The following EDN3 variants were observed in gnomAD, a reference collection of about 807,000 sequenced individuals.
The protein encoded by EDN3 is endothelin 3.
A neutral mutation model predicts 21.4 loss-of-function variants in EDN3; 9 were observed. That is an observed-to-expected ratio of 0.42 (90% CI 0.25 to 0.73). EDN3 has a LOEUF of 0.73. Ranked by LOEUF, EDN3 falls within the 30% of genes least tolerant of loss-of-function variation. EDN3 has a pLI of 0.26. For missense variants in EDN3, 327 were observed against 309.4 expected (o/e 1.06, Z -0.43); for synonymous variants, 133 against 126.2 (o/e 1.05, Z -0.36).
rs1555850432 is a variant in EDN3 at position 59,324,608 on chromosome 20, CA to C, written c.*150del. 1.6e-5 allele frequency: 17 copies of C among 1,053,632 alleles called. No homozygotes were observed. The highest frequency in any genetic ancestry group is 1.8e-5 in the Non-Finnish European group (13 of 725,412). 65.3% of individuals were successfully genotyped at this position (1,053,632 alleles called of 1,614,324 possible). A position where few individuals can be genotyped will look rare whatever the true frequency, so the allele number is the denominator to read the frequency against. On this transcript the variant is annotated 3_prime_UTR_variant, in exon 5 of 5. Transcript: ENST00000337938. ...TCCCCACTTAACAATACCCCCCCCC[CA>C]CGGCAAGAATGCCCAAATCCGAATG...
intron 2 of EDN3, among the ~76,000 whole-genome samples, chr20:59,317,733 A>C (rs1990274326): frequency 6.6e-6 from 1 of 152,160 alleles, no homozygotes; most frequent in Admixed American, 6.5e-5. Context: ...AGAATGTTGG[A>C]GATTCTTTCA....
intron 2 of EDN3, among the ~76,000 whole-genome samples, chr20:59,302,058 G>C (rs1989086964): frequency 1.3e-5 from 2 of 152,140 alleles, no homozygotes; most frequent in South Asian, 4.1e-4. Context: ...GATAGAGAAA[G>C]CCCCGAAAGT....
Position 59,322,792 on chromosome 20 carries a change from A to G in EDN3, c.588+375A>G, listed in dbSNP as rs1037601096. Among the ~76,000 whole-genome samples the G allele has an allele frequency of 1.3e-5, 2 of 152,210 alleles. No homozygotes were observed. Among genetic ancestry groups the G allele is most frequent in the African/African-American group, 2.4e-5 (1 of 41,452 alleles). ...TGTAGGCTGCTCTGCCCAGACCCAC[A>G]CTTCGCCTCTGCTTCCTTAGCAACA... is the stretch of plus-strand genomic sequence containing the variant. On this transcript the variant is annotated intron_variant, in intron 4 of 4. Transcript: ENST00000337938. This position sits in a 1 kb window ranked among gnomAD's most constrained non-coding sequence, Gnocchi z 4.1.
At chr20:59,313,674 G>A (rs1989983239) in intron 2 of EDN3, among the ~76,000 whole-genome samples, 1 of 152,236 alleles carries the variant, frequency 6.6e-6, no homozygotes, top group Non-Finnish European at 1.5e-5. Context: ...GGGGTGGTGG[G>A]ATGAACGGTC....
Position 59,305,563 on chromosome 20 carries a change from T to C in EDN3, c.365+3841T>C, listed in dbSNP as rs11570276. ...GTTGCTCTTGGGGGCCATGGACTTTTATGGAGGATAAACAGAAGTTATGGG... is the reference window on the plus strand; with the variant it reads ...GTTGCTCTTGGGGGCCATGGACTTTCATGGAGGATAAACAGAAGTTATGGG... On this transcript the variant is annotated intron_variant, in intron 2 of 4. Transcript: ENST00000337938. The surrounding 1 kb of genome is among the most constrained non-coding windows in gnomAD (Gnocchi z 4.2). Among the ~76,000 whole-genome samples the C allele has an allele frequency of 0.042, 6,450 of 152,242 alleles. 213 individuals carry two copies. Among genetic ancestry groups the C allele is most frequent in the African/African-American group, 0.09 (3,728 of 41,518 alleles).
intron 2 of EDN3, among the ~76,000 whole-genome samples, chr20:59,307,957 A>G (rs1989543621): frequency 6.6e-6 from 1 of 151,190 alleles, no homozygotes; most frequent in Non-Finnish European, 1.5e-5. Context: ...GTAATCATAT[A>G]TTTACCCTTT....
At chr20:59,319,365 G>C (rs1159209897) in intron 2 of EDN3, among the ~76,000 whole-genome samples, 1 of 152,124 alleles carries the variant, frequency 6.6e-6, no homozygotes, top group African/African-American at 2.4e-5. Flanking sequence ...TCGCAAAAAG[G>C]CTTTATGGTG....
rs146403639 is a variant in EDN3, at chr20:59,303,212, C to G, written c.365+1490C>G. Among the ~76,000 whole-genome samples the G allele has an allele frequency of 5.3e-5, 8 of 152,298 alleles. No individual in the cohort carries two copies. The East Asian group carries it at 1.4e-3, about 26-fold the overall frequency. ...ATAAATTCTGTAGCTGGTCGTGATA[C>G]CCTGATTTGCTGGCTGGGCTGTGTC... On this transcript the variant is annotated intron_variant, in intron 2 of 4. Transcript: ENST00000337938.
In EDN3 at chr20:59,301,614, A is replaced by T. The variant is rs761348961; in HGVS notation, c.257A>T (p.Glu86Val). 98 of 1,614,042 alleles carry T rather than the reference A, an allele frequency of 6.1e-5. 2 individuals are homozygous for T. The South Asian group carries it at 1.0e-3, about 17-fold the overall frequency. The change falls in exon 2 of 5, where the codon GAG becomes GTG. Residue 86 changes from glutamate (E) to valine (V), a missense_variant. Transcript: ENST00000337938. The part of the protein sequence containing the change: ...PGSPGQEQAA[E>V]GAPEHHRSRR... ...AGCCCTGGGCAGGAGCAGGCGGCCG[A>T]GGGGGCCCCTGAGCACCACCGATCC...
At chr20:59,317,184 C>G (rs1055952268) in intron 2 of EDN3, among the ~76,000 whole-genome samples, 3 of 152,190 alleles carry the variant, frequency 2.0e-5, no homozygotes, top group African/African-American at 7.2e-5. Flanking sequence ...TATGAATGCT[C>G]ATGAGATATG....
chr20:59,320,889 GGGGA>G lies in EDN3; in HGVS notation c.366-124_366-121del, dbSNP rs1198195855. ...CCTTCCTAAGACCCAGAGCTGTAGT[GGGGA>G]GGGTTGTGAACACCAGTTTCTGAGA... On this transcript the variant is annotated intron_variant, in intron 2 of 4. Transcript: ENST00000337938. 8 of 929,362 alleles carry G rather than the reference GGGGA, an allele frequency of 8.6e-6. No homozygotes were observed. The East Asian group carries it at 2.1e-4, about 24-fold the overall frequency. The allele number at this position is 929,362 out of a possible 1,614,324, so 57.6% of individuals were successfully genotyped here.
rs760033782 is a variant in EDN3 at position 59,301,459 on chromosome 20, C to A, written c.102C>A (p.Ser34=). 1.2e-6 allele frequency: 2 copies of A among 1,613,338 alleles called. No individual in the cohort carries two copies. Among genetic ancestry groups the A allele is most frequent in the Non-Finnish European group, 8.5e-7 (1 of 1,180,008 alleles). Residue 34 remains serine (S), a synonymous_variant, in exon 2 of 5, where the codon TCC becomes TCA. Coordinates refer to ENST00000337938, the MANE Select transcript of EDN3 (RefSeq NM_207034.3). The part of the protein sequence containing the change: ...QSGDAGRRGV[S]QAPTAARSEG... ...GGGATGCTGGCAGGCGCGGCGTGTC[C>A]CAGGCCCCCACTGCAGCCAGATCTG...
intron 2 of EDN3, among the ~76,000 whole-genome samples, chr20:59,307,144 CA>C (rs1296024796): frequency 3.3e-5 from 5 of 151,866 alleles, no homozygotes; most frequent in Non-Finnish European, 5.9e-5. Context: ...GATTCCATCT[CA>C]AAAAAACAAA....
At chr20:59,307,832 A>T (rs1396408016) in intron 2 of EDN3, among the ~76,000 whole-genome samples, 1 of 150,306 alleles carries the variant, frequency 6.7e-6, no homozygotes, top group African/African-American at 2.4e-5. Flanking sequence ...GCGTGTCACC[A>T]TGCCTAGCTA....
chr20:59,324,780 G>C lies in EDN3; in HGVS notation c.*321G>C, dbSNP rs2146891844. The C allele has an allele frequency of 4.8e-6, 2 of 421,042 alleles. No homozygotes were observed. Among genetic ancestry groups the C allele is most frequent in the East Asian group, 5.0e-5 (1 of 20,168 alleles). The allele number at this position is 421,042 out of a possible 1,614,324, so 26.1% of individuals were successfully genotyped here. ...CTGGCTTTTGACATGACTTCTCTTG[G>C]AGAATAAGTGGACTCCAAGCTAACT... On this transcript the variant is annotated 3_prime_UTR_variant, in exon 5 of 5. Transcript: ENST00000337938.
chr20:59,312,004 A>G (rs197184), intron 2 of EDN3, among the ~76,000 whole-genome samples: 122,231 of 152,096 alleles, frequency 0.8, 49,713 homozygotes, highest in African/African-American at 0.93. Context: ...GCTTTCTTTA[A>G]ATTATTCAAA....
chr20:59,306,595 T>TAAAAAAAAAAAAAAAAAAAAA (rs57144708), intron 2 of EDN3, among the ~76,000 whole-genome samples: 3 of 62,458 alleles, frequency 4.8e-5, no homozygotes, highest in Non-Finnish European at 5.8e-5. Flanking sequence ...GCATAAAGAG[T>TAAAAAAAAAAAAAAAAAAAAA]AAAAAAAAAA....
chr20:59,303,988 G>A (rs1989226842), intron 2 of EDN3, among the ~76,000 whole-genome samples: 1 of 152,122 alleles, frequency 6.6e-6, no homozygotes, highest in Admixed American at 6.5e-5. Flanking sequence ...ATTTTTATGA[G>A]GCAGAACTTC....
At position 59,321,086 on chromosome 20, in the gene EDN3, T is replaced by G; in HGVS notation, c.435T>G (p.Leu145=). The G allele has an allele frequency of 6.2e-7, 1 of 1,614,224 alleles. No homozygotes were observed. Among genetic ancestry groups the G allele is most frequent in the Non-Finnish European group, 8.5e-7 (1 of 1,180,046 alleles). The change falls in exon 3 of 5, where the codon CTT becomes CTG. Residue 145 remains leucine, a synonymous_variant. Coordinates refer to ENST00000337938, the MANE Select transcript of EDN3 (RefSeq NM_207034.3). ...SFRGKRSAGP[L]PGNLQLSHRP... ...GGGGCAAGAGGTCTGCGGGGCCACT[T>G]CCAGGGAATCTGCAGCTCTCACATC...
Sources: allele counts gnomAD v4.1 joint callset (sites outside exome capture counted in the v4.1 genomes callset), GRCh38; gene constraint gnomAD v4.1.1; non-coding constraint Gnocchi (gnomAD v3.1); transcripts MANE v1.5; gene names NCBI Gene and HGNC (gene_info 2026-07-23, HGNC 2026-07-21).